Variants in ENGASE observed in about 807,000 individuals in gnomAD.
ENGASE encodes cytosolic endo-beta-N-acetylglucosaminidase.
ENGASE carries 69 observed loss-of-function variants against 78.5 expected under a neutral mutation model. That is an observed-to-expected ratio of 0.88 (90% CI 0.72 to 1.07). The LOEUF (loss-of-function observed/expected upper bound fraction) is 1.07. ENGASE is among the 50% of genes least tolerant of loss of function. ENGASE has a pLI of 0.00. For missense variants in ENGASE, 943 were observed against 988.4 expected (o/e 0.95, Z 0.62); for synonymous variants, 408 against 408.9 (o/e 1.00, Z 0.03).
intron 12 of ENGASE, 47 bp downstream of exon 12, chr17:79,085,389 T>TGA: frequency 6.7e-7 from 1 of 1,499,196 alleles, no homozygotes; most frequent in Non-Finnish European, 9.1e-7. Context: ...CTCAAGTCTC[T>TGA]GTTGGGAAAC....
chr17:79,079,706 T>C, intron 4 of ENGASE, 69 bp downstream of exon 4: 1 of 1,567,966 alleles, frequency 6.4e-7, no homozygotes, highest in Non-Finnish European at 8.6e-7. Context: ...ACCCCGTGAT[T>C]AGGAGGCACG....
In ENGASE at chr17:79,087,515, C is replaced by G; in HGVS notation, c.*1166C>G. Reference sequence around the variant, plus strand: ...AGGCTTCCTGGTGTGGTGTCTGGACCCCACGGCCTTGGGTCATCCTGTGGC... The same window carrying G: ...AGGCTTCCTGGTGTGGTGTCTGGACGCCACGGCCTTGGGTCATCCTGTGGC... On this transcript the variant is annotated 3_prime_UTR_variant, in exon 14 of 14. Transcript: ENST00000579016. The G allele has an allele frequency of 6.0e-6, 1 of 166,502 alleles. No individual in the cohort carries two copies. Among genetic ancestry groups the G allele is most frequent in the Non-Finnish European group, 1.3e-5 (1 of 75,790 alleles). 10.3% of individuals were successfully genotyped at this position (166,502 alleles called of 1,614,324 possible).
At position 79,084,605 on chromosome 17, in the gene ENGASE, C is replaced by A. The variant is rs2073238432; in HGVS notation, c.1510C>A (p.Pro504Thr). Residue 504 changes from proline to threonine, a missense_variant, in exon 11 of 14, where the codon CCC (proline) becomes ACC (threonine). Pro to Thr is a conservative substitution (Grantham distance 38). Coordinates refer to ENST00000579016, the MANE Select transcript of ENGASE (RefSeq NM_001042573.3). ...YLSMVYKLEG[P>T]TDVTVALELT... ...GTCCATGGTGTATAAGCTTGAGGGG[C>A]CCACGGACGTCACAGTTGCTTTGGA... 6.2e-7 allele frequency: 1 copy of A among 1,611,634 alleles called. No individual in the cohort carries two copies. The highest frequency in any genetic ancestry group is 1.3e-5 in the African/African-American group (1 of 74,716).
Position 79,082,079 on chromosome 17 carries a change from C to T in ENGASE, c.1038+16C>T, listed in dbSNP as rs563498854. The T allele has an allele frequency of 1.6e-5, 26 of 1,613,998 alleles. No individual in the cohort carries two copies. Among genetic ancestry groups the T allele is most frequent in the South Asian group, 4.4e-5 (4 of 91,088 alleles). On this transcript the variant is annotated intron_variant, in intron 7 of 13. Coordinates refer to ENST00000579016, the MANE Select transcript of ENGASE (RefSeq NM_001042573.3). ...CACAGACAAGGTGGGTGGTGGCTTT[C>T]GTCCAAGGGCCAGCGGCCCAGTGCC...
intron 3 of ENGASE, 60 bp downstream of exon 3, chr17:79,077,924 CTGGA>C: frequency 3.2e-6 from 2 of 623,118 alleles, no homozygotes; most frequent in Non-Finnish European, 5.4e-6. Context: ...GGGGTGGGGG[CTGGA>C]GGGGCGGGAG....
In ENGASE at chr17:79,086,920, A is replaced by C; in HGVS notation, c.*571A>C. ...AGGCCCTTTTCCCTGAGGAGTGGGC[A>C]TTCTGGGCCAGCCGGCGCTGGCTTC... is the stretch of plus-strand genomic sequence containing the variant. On this transcript the variant is annotated 3_prime_UTR_variant, in exon 14 of 14. Transcript: ENST00000579016. The C allele has an allele frequency of 2.2e-6, 1 of 463,046 alleles. No individual in the cohort carries two copies. The highest frequency in any genetic ancestry group is 1.5e-5 in the South Asian group (1 of 64,962). 28.7% of individuals were successfully genotyped at this position (463,046 alleles called of 1,614,324 possible).
chr17:79,080,129 G>A (rs2073088240), intron 4 of ENGASE, 78 bp from the exon 5 acceptor site: 6 of 1,501,832 alleles, frequency 4.0e-6, no homozygotes, highest in Admixed American at 2.2e-5. Flanking sequence ...CTGCTGGTTC[G>A]AGAACCTCGC....
At chr17:79,080,825 C>G in intron 5 of ENGASE, 100 bp from the exon 6 acceptor site, 1 of 1,465,816 alleles carries the variant, frequency 6.8e-7, no homozygotes. Flanking sequence ...GCCTGTGGGT[C>G]TGTTTGCTCT....
At chr17:79,082,647 T>C (rs2073175610) in intron 7 of ENGASE, 1 of 1,300,420 alleles carries the variant, frequency 7.7e-7, no homozygotes, top group South Asian at 1.2e-5. Context: ...TTCTCAGCCC[T>C]TAATTTAGCT....
intron 6 of ENGASE, 93 bp from the exon 7 acceptor site, chr17:79,081,798 TCTGAGTA>T (rs2073146452): frequency 7.1e-7 from 1 of 1,408,958 alleles, no homozygotes; most frequent in East Asian, 2.5e-5. Context: ...GGCCCATCCC[TCTGAGTA>T]CTAGGAGGGG....
rs1273086435 is a variant in ENGASE at position 79,088,380 on chromosome 17, T to C, written c.*2031T>C. 2 of 152,104 alleles carry C rather than the reference T, an allele frequency of 1.3e-5. No homozygotes were observed. The highest frequency in any genetic ancestry group is 4.8e-5 in the African/African-American group (2 of 41,420). 9.4% of individuals were successfully genotyped at this position (152,104 alleles called of 1,614,324 possible). A position where few individuals can be genotyped will look rare whatever the true frequency, so the allele number is the denominator to read the frequency against. Reference sequence around the variant, plus strand: ...AATATTTTATGCAGAGGAGGGAAAATTTATAGTGGCAATTATTTTCTCACA... The same window carrying C: ...AATATTTTATGCAGAGGAGGGAAAACTTATAGTGGCAATTATTTTCTCACA... On this transcript the variant is annotated 3_prime_UTR_variant, in exon 14 of 14. Coordinates refer to ENST00000579016, the MANE Select transcript of ENGASE (RefSeq NM_001042573.3).
Position 79,080,961 on chromosome 17 carries a change from T to C in ENGASE, c.760T>C (p.Tyr254His). The C allele has an allele frequency of 1.2e-6, 2 of 1,613,470 alleles. No homozygotes were observed. The highest frequency in any genetic ancestry group is 1.7e-6 in the Non-Finnish European group (2 of 1,179,876). Residue 254 changes from tyrosine to histidine, a missense_variant, in exon 6 of 14, where the codon TAC (tyrosine) becomes CAC (histidine). Physicochemically the swap from Tyr to His is moderately conservative, Grantham distance 83. Transcript: ENST00000579016. ...AVGNMPPFLRYLTTQLHRQVP... is the reference protein window; with the variant it reads ...AVGNMPPFLRHLTTQLHRQVP... Reference sequence around the variant, plus strand: ...GGGGAACATGCCTCCTTTCCTGCGGTACCTCACCACACAGCTGCACCGGCA... The same window carrying C: ...GGGGAACATGCCTCCTTTCCTGCGGCACCTCACCACACAGCTGCACCGGCA...
chr17:79,084,398 C>T lies in ENGASE; in HGVS notation c.1443-140C>T, dbSNP rs766748339. On this transcript the variant is annotated intron_variant, in intron 10 of 13. Transcript: ENST00000579016. ...TGGGGGAGGACTTGTCCCCTGGCTA[C>T]GGACAGGACCACGATGTGGGAGCAT... 5.6e-4 allele frequency: 445 copies of T among 801,338 alleles called. 2 individuals carry two copies. The highest frequency in any genetic ancestry group is 4.3e-3 in the Middle Eastern group (13 of 3,026). The allele number at this position is 801,338 out of a possible 1,614,324, so 49.6% of individuals were successfully genotyped here. A position where few individuals can be genotyped will look rare whatever the true frequency, so the allele number is the denominator to read the frequency against.
At chr17:79,080,440 C>A in intron 5 of ENGASE, 76 bp downstream of exon 5, 1 of 1,546,510 alleles carries the variant, frequency 6.5e-7, no homozygotes, top group Admixed American at 1.8e-5. Context: ...CCTGCCTTGG[C>A]CTCACCTCGC....
rs2073197368 is a variant in ENGASE at position 79,083,276 on chromosome 17, G to A, written c.1142+153G>A. 1.4e-6 allele frequency: 1 copy of A among 732,962 alleles called. No individual in the cohort carries two copies. Among genetic ancestry groups the A allele is most frequent in the East Asian group, 2.7e-5 (1 of 37,128 alleles). 45.4% of individuals were successfully genotyped at this position (732,962 alleles called of 1,614,324 possible). A position where few individuals can be genotyped will look rare whatever the true frequency, so the allele number is the denominator to read the frequency against. On this transcript the variant is annotated intron_variant, in intron 8 of 13. Transcript: ENST00000579016. The surrounding 1 kb of genome is among the most constrained non-coding windows in gnomAD (Gnocchi z 4.9). ...AGGGGAGGAAGCCAGCACCCTGGCT[G>A]CTTCCGGGCAGGGACCAAACCCAGC...
intron 10 of ENGASE, 30 bp from the exon 11 acceptor site, chr17:79,084,508 C>T (rs187818240): frequency 6.3e-5 from 97 of 1,541,708 alleles, no homozygotes; most frequent in Middle Eastern, 3.5e-4. Context: ...GGTCTCTCCA[C>T]GGCACCCATC....
At position 79,083,018 on chromosome 17, in the gene ENGASE, A is replaced by G. The variant is rs763914630; in HGVS notation, c.1039-2A>G. 12 of 1,613,386 alleles carry G rather than the reference A, an allele frequency of 7.4e-6. No homozygotes were observed. The highest frequency in any genetic ancestry group is 1.0e-5 in the Non-Finnish European group (12 of 1,179,712). On this transcript the variant is annotated splice_acceptor_variant, in intron 7 of 13. Transcript: ENST00000579016. LOFTEE classifies it high-confidence loss of function. This position sits in a 1 kb window ranked among gnomAD's most constrained non-coding sequence, Gnocchi z 4.9. ...GCCCAGCGTCTCCCTCTGTCTCTTCAGTCGTTGGAGCTGATCCGAAAGCAT... is the reference window on the plus strand; with the variant it reads ...GCCCAGCGTCTCCCTCTGTCTCTTCGGTCGTTGGAGCTGATCCGAAAGCAT...
chr17:79,080,158 A>G, intron 4 of ENGASE, 49 bp from the exon 5 acceptor site: 1 of 1,548,042 alleles, frequency 6.5e-7, no homozygotes, highest in Non-Finnish European at 8.7e-7. Flanking sequence ...CTGTGGGTGG[A>G]GGGAAAGTGA....
At chr17:79,084,232 G>GGCCCCC in intron 10 of ENGASE, 1 of 524,996 alleles carries the variant, frequency 1.9e-6, no homozygotes, top group Admixed American at 3.9e-5. Flanking sequence ...TTGCACATTA[G>GGCCCCC]CCCCCCATCC....
Sources: gnomAD v4.1 joint callset for allele counts on GRCh38, gnomAD v4.1.1 for gene constraint, Gnocchi (gnomAD v3.1) non-coding constraint, MANE v1.5 for transcripts, NCBI Gene and HGNC (gene_info 2026-07-23, HGNC 2026-07-21) for gene names.